The following ABLIM1 variants were observed in gnomAD, a reference collection of about 807,000 sequenced individuals.
The protein encoded by ABLIM1 is actin binding LIM protein 1.
A neutral mutation model predicts 107.0 loss-of-function variants in ABLIM1; 40 were observed. That is an observed-to-expected ratio of 0.37 (90% CI 0.29 to 0.49). The LOEUF is 0.49. ABLIM1 is among the 20% of genes least tolerant of loss of function. The pLI, the probability that ABLIM1 is intolerant of heterozygous loss-of-function variation, is 0.97. For synonymous variants in ABLIM1, 357 were observed against 357.3 expected (o/e 1.00, Z 0.01); for missense variants, 857 against 1,008.5 (o/e 0.85, Z 2.04).
Position 114,435,371 on chromosome 10 carries a change from T to C in ABLIM1, c.*889A>G, listed in dbSNP as rs532477878. 3.9e-5 allele frequency: 6 copies of C among 152,350 alleles called. No homozygotes were observed. The highest frequency in any genetic ancestry group is 2.0e-4 in the Admixed American group (3 of 15,302). The allele number at this position is 152,350 out of a possible 1,614,324, so 9.4% of individuals were successfully genotyped here. A position where few individuals can be genotyped will look rare whatever the true frequency, so the allele number is the denominator to read the frequency against. ...TTTGTTTTTTGCTTTTTGGTTTTTT[T>C]TGGCCATGAATGATATGGCCCCTAT... On this transcript the variant is annotated 3_prime_UTR_variant, in exon 23 of 23. Coordinates refer to ENST00000533213, the MANE Select transcript of ABLIM1 (RefSeq NM_002313.7).
rs905873057 is a variant in ABLIM1, at chr10:114,632,696, T to C, written c.244+25261A>G. 4.3e-5 allele frequency: 42 copies of C among 985,276 alleles called. No homozygotes were observed. In the African/African-American group the frequency reaches 6.5e-4, roughly 15 times the overall value. The allele number at this position is 985,276 out of a possible 1,614,324, so 61.0% of individuals were successfully genotyped here. A position where few individuals can be genotyped will look rare whatever the true frequency, so the allele number is the denominator to read the frequency against. Reference sequence around the variant, plus strand: ...TCCAGGATCCAATTCAGGATCAAAGTTAAAATCTGATTTATCCATGTAGGG... The same window carrying C: ...TCCAGGATCCAATTCAGGATCAAAGCTAAAATCTGATTTATCCATGTAGGG... On this transcript the variant is annotated intron_variant, in intron 1 of 22. Coordinates refer to ENST00000533213, the MANE Select transcript of ABLIM1 (RefSeq NM_002313.7).
intron 4 of ABLIM1, among the ~76,000 whole-genome samples, chr10:114,567,850 T>C (rs2070987788): frequency 6.6e-6 from 1 of 152,218 alleles, no homozygotes; most frequent in Non-Finnish European, 1.5e-5. Context: ...TCTGGTAGAT[T>C]TCACCAACTC....
At chr10:114,788,980 G>A in the ABLIM1 span, among the ~76,000 whole-genome samples, 2 of 152,142 alleles carry the variant, frequency 1.3e-5, no homozygotes, top group South Asian at 2.1e-4. Context: ...ATAATGGCCA[G>A]GCACAGTGAC....
At chr10:114,558,039 A>G (rs2069031340) in intron 4 of ABLIM1, among the ~76,000 whole-genome samples, 1 of 152,156 alleles carries the variant, frequency 6.6e-6, no homozygotes, top group African/African-American at 2.4e-5. Flanking sequence ...CTGATCTCCC[A>G]TCTCCTTGGC....
At chr10:114,740,436 G>A (rs1034752493) in intron 1 of ABLIM1, among the ~76,000 whole-genome samples, 2 of 151,752 alleles carry the variant, frequency 1.3e-5, no homozygotes, top group Non-Finnish European at 2.9e-5. Context: ...CTGTGTAGGG[G>A]ACTTCCACCA....
At chr10:114,684,238 C>T in intron 1 of ABLIM1, 6 of 1,555,902 alleles carry the variant, frequency 3.9e-6, no homozygotes, top group Admixed American at 1.8e-5. Context: ...TTTAAAGACA[C>T]GGTCGACCCC....
intron 1 of ABLIM1, among the ~76,000 whole-genome samples, chr10:114,667,394 C>T (rs956590075): frequency 1.3e-5 from 2 of 152,158 alleles, no homozygotes; most frequent in Non-Finnish European, 2.9e-5. Context: ...CATGTCTGCT[C>T]CTCTCCCTAT....
At chr10:114,499,985 C>A (rs1225303420) in intron 6 of ABLIM1, among the ~76,000 whole-genome samples, 1 of 152,206 alleles carries the variant, frequency 6.6e-6, no homozygotes, top group Non-Finnish European at 1.5e-5. Context: ...CATGAACAGG[C>A]AGGATAATGA....
chr10:114,675,901 T>C (rs539978081), intron 1 of ABLIM1, among the ~76,000 whole-genome samples: 2 of 152,342 alleles, frequency 1.3e-5, no homozygotes, highest in African/African-American at 4.8e-5. Context: ...CTTGTGTCTT[T>C]ATGCCATTTT....
intron 1 of ABLIM1, among the ~76,000 whole-genome samples, chr10:114,711,762 C>T (rs1302665616): frequency 6.6e-6 from 1 of 151,984 alleles, no homozygotes; most frequent in African/African-American, 2.4e-5. Flanking sequence ...CTTGTCAGGA[C>T]CTGTGGCCTT....
chr10:114,634,196 G>A (rs1375752809), intron 1 of ABLIM1, among the ~76,000 whole-genome samples: 2 of 127,388 alleles, frequency 1.6e-5, no homozygotes, highest in East Asian at 4.7e-4. Flanking sequence ...GCAGTGGCGC[G>A]ATCTCGGCTC....
rs1225221297 is a variant in ABLIM1 at position 114,443,691 on chromosome 10, A to AG, written c.1933+337_1933+338insC. Among the ~76,000 whole-genome samples, 255 of 150,296 alleles carry AG rather than the reference A, an allele frequency of 1.7e-3. 1 individual carries two copies. The highest frequency in any genetic ancestry group is 5.7e-3 in the African/African-American group (231 of 40,374). On this transcript the variant is annotated intron_variant, in intron 17 of 22. Coordinates refer to ENST00000533213, the MANE Select transcript of ABLIM1 (RefSeq NM_002313.7). ...GTTATCTAAAAAAAAAAAAAAAAAA[A>AG]AAGAAGAAGAAGAAAAGCATCATGT...
At chr10:114,504,672 T>C (rs1350402169) in intron 6 of ABLIM1, among the ~76,000 whole-genome samples, 1 of 152,142 alleles carries the variant, frequency 6.6e-6, no homozygotes, top group Admixed American at 6.5e-5. Context: ...GCTACCCCAG[T>C]TTCTGCATGT....
chr10:114,461,198 G>A lies in ABLIM1; in HGVS notation c.1441+4500C>T, dbSNP rs565633313. ...CCTGCTTCAGCCTCTGAGTAGCTGG[G>A]ACTTCAGGCACGCACCACCATGCCC... On this transcript the variant is annotated intron_variant, in intron 12 of 22. Transcript: ENST00000533213. Among the ~76,000 whole-genome samples, 4 of 151,516 alleles carry A rather than the reference G, an allele frequency of 2.6e-5. No individual in the cohort carries two copies. In the East Asian group the frequency reaches 7.8e-4, roughly 29 times the overall value.
chr10:114,464,305 C>T (rs1443588601), intron 12 of ABLIM1, among the ~76,000 whole-genome samples: 1 of 151,868 alleles, frequency 6.6e-6, no homozygotes, highest in East Asian at 1.9e-4. Flanking sequence ...CCTGTCTCAG[C>T]CTCCCAAGTA....
rs1185290680 is a variant in ABLIM1 at position 114,462,928 on chromosome 10, A to G, written c.1441+2770T>C. The G allele has an allele frequency of 3.5e-6, 4 of 1,144,566 alleles. No individual in the cohort carries two copies. In the African/African-American group the frequency reaches 6.4e-5, roughly 18 times the overall value. The allele number at this position is 1,144,566 out of a possible 1,614,324, so 70.9% of individuals were successfully genotyped here. A position where few individuals can be genotyped will look rare whatever the true frequency, so the allele number is the denominator to read the frequency against. ...GGGTATAGTCATGACACACGCAGGC[A>G]TGCTGAGAGCTCAAAAGCTCGGCAC... On this transcript the variant is annotated intron_variant, in intron 12 of 22. Coordinates refer to ENST00000533213, the MANE Select transcript of ABLIM1 (RefSeq NM_002313.7).
At chr10:114,714,093 T>G (rs1255769023) in intron 1 of ABLIM1, among the ~76,000 whole-genome samples, 1 of 152,194 alleles carries the variant, frequency 6.6e-6, no homozygotes, top group Non-Finnish European at 1.5e-5. Flanking sequence ...AGAACATCCT[T>G]CCCAAAAGAA....
At chr10:114,437,012 T>C (rs1278673926) in intron 22 of ABLIM1, among the ~76,000 whole-genome samples, 2 of 152,216 alleles carry the variant, frequency 1.3e-5, no homozygotes, top group East Asian at 3.9e-4. Flanking sequence ...TAGTCTTCCA[T>C]GTCTAAGGAG....
At chr10:114,799,798 G>A in the ABLIM1 span, among the ~76,000 whole-genome samples, 5 of 151,988 alleles carry the variant, frequency 3.3e-5, no homozygotes, top group Admixed American at 2.6e-4. Flanking sequence ...TTGAGACAGG[G>A]TCTCACTCTG....
Sources: gnomAD v4.1 joint callset for allele counts (sites outside exome capture counted in the v4.1 genomes callset) on GRCh38, gnomAD v4.1.1 for gene constraint, MANE v1.5 for transcripts, NCBI Gene and HGNC (gene_info 2026-07-23, HGNC 2026-07-21) for gene names.